Variants in NAV2 observed in about 807,000 individuals in gnomAD.
NAV2 encodes the protein helicase, APC down-regulated 1.
Under a neutral mutation model 223.2 loss-of-function variants are expected in NAV2, and 54 were observed. That is an observed-to-expected ratio of 0.24 (90% CI 0.19 to 0.30). NAV2 has a LOEUF of 0.30. Ranked by LOEUF, NAV2 falls within the 10% of genes least tolerant of loss-of-function variation. NAV2 has a pLI of 1.00. For missense variants in NAV2, 2,806 were observed against 3,147.5 expected, an observed-to-expected ratio of 0.89 and a Z score of 2.60; for synonymous variants, 1,279 against 1,239.3, an observed-to-expected ratio of 1.03 and a Z score of -0.67.
rs78430105 is a variant in NAV2 at position 19,948,706 on chromosome 11, G to A, written c.2271G>A (p.Thr757=). The change falls in exon 10 of 38, where the codon ACG becomes ACA. Residue 757 remains threonine, a synonymous_variant. Coordinates refer to ENST00000349880, the MANE Select transcript of NAV2 (RefSeq NM_145117.5). ...TQVTHSTLET[T]FDTNVTTEMS... ...TTGTTTCTAGCACATTGGAAACCAC[G>A]TTTGACACCAATGTCACCACGGAGA... is the stretch of plus-strand genomic sequence containing the variant. 177 of 1,584,758 alleles carry A rather than the reference G, an allele frequency of 1.1e-4. No homozygotes were observed. The African/African-American group carries it at 1.7e-3, about 16-fold the overall frequency.
At chr11:19,555,452 G>A (rs542581242) in intron 1 of NAV2, among the ~76,000 whole-genome samples, 1 of 152,066 alleles carries the variant, frequency 6.6e-6, no homozygotes, top group Admixed American at 6.6e-5. Context: ...GACCTGGGGG[G>A]GGCTCTGGGC....
intron 1 of NAV2, among the ~76,000 whole-genome samples, chr11:19,826,563 A>G (rs1332911023): frequency 6.6e-6 from 1 of 152,228 alleles, no homozygotes; most frequent in Non-Finnish European, 1.5e-5. Context: ...GATGGGGCTG[A>G]ATTTATGTCC....
intron 9 of NAV2, among the ~76,000 whole-genome samples, chr11:19,948,309 T>C (rs2625327): frequency 0.99 from 150,145 of 152,284 alleles, 74,053 homozygotes; most frequent in Middle Eastern, 1. Flanking sequence ...TGGTCTTGAT[T>C]TCTTGACTTC....
chr11:19,991,188 G>A (rs1591562815), intron 11 of NAV2, among the ~76,000 whole-genome samples: 1 of 152,120 alleles, frequency 6.6e-6, no homozygotes, highest in Admixed American at 6.6e-5. Flanking sequence ...GAGTGCAATG[G>A]CATGATCTTG....
chr11:19,777,006 G>A (rs1336293229), intron 1 of NAV2, among the ~76,000 whole-genome samples: 1 of 151,920 alleles, frequency 6.6e-6, no homozygotes, highest in South Asian at 2.1e-4. Flanking sequence ...CCCACCGGCG[G>A]CAGTGGCGAA....
At chr11:19,873,746 G>C (rs949595781) in intron 4 of NAV2, among the ~76,000 whole-genome samples, 6 of 152,130 alleles carry the variant, frequency 3.9e-5, no homozygotes, top group Admixed American at 3.9e-4. Flanking sequence ...GAGACCTTCA[G>C]TTTCTGTTTC....
intron 1 of NAV2, among the ~76,000 whole-genome samples, chr11:19,476,661 G>A (rs2042125782): frequency 6.6e-6 from 1 of 152,210 alleles, no homozygotes; most frequent in South Asian, 2.1e-4. Context: ...ATGTTAGACA[G>A]AACAAGTCAA....
In NAV2 at chr11:20,068,327, C is replaced by T. The variant is rs746641901; in HGVS notation, c.4912C>T (p.Arg1638Cys). ...TPEEKCQSEIRKLRRELDASQ... is the reference protein window; with the variant it reads ...TPEEKCQSEICKLRRELDASQ... ...CCCTCTCCCTTGTCATCTTTAGATT[C>T]GCAAGCTGCGGCGGGAACTGGATGC... The change falls in exon 22 of 38, where the codon CGC becomes TGC. Residue 1638 changes from arginine (R) to cysteine (C), a missense_variant. Arg to Cys is a radical substitution (Grantham distance 180). Around this residue, in one of 4 missense-constraint regions of NAV2, gnomAD observed 824 missense variants for 1,069.4 expected, o/e 0.77. Coordinates refer to ENST00000349880, the MANE Select transcript of NAV2 (RefSeq NM_145117.5). 12 of 1,614,074 alleles carry T rather than the reference C, an allele frequency of 7.4e-6. 1 individual carries two copies. Among genetic ancestry groups the T allele is most frequent in the South Asian group, 2.2e-5 (2 of 91,076 alleles).
chr11:20,083,248 G>A (rs537508270), intron 26 of NAV2, 69 bp downstream of exon 26: 1 of 1,346,124 alleles, frequency 7.4e-7, no homozygotes, highest in Admixed American at 1.9e-5. Flanking sequence ...GAATGGCTAG[G>A]AGTCCTGTTA....
chr11:19,657,893 A>T (rs1425234), intron 1 of NAV2, among the ~76,000 whole-genome samples: 131,024 of 151,916 alleles, frequency 0.86, 57,652 homozygotes, highest in Middle Eastern at 0.96. Flanking sequence ...AGGTATGGGG[A>T]GATAAAGACT....
chr11:19,980,977 A>G (rs74493981), intron 10 of NAV2, among the ~76,000 whole-genome samples: 4 of 152,158 alleles, frequency 2.6e-5, no homozygotes, highest in Non-Finnish European at 4.4e-5. Context: ...ACAGTTGAAC[A>G]TGTGTTTACA....
At chr11:19,754,357 T>A (rs945257276) in intron 1 of NAV2, among the ~76,000 whole-genome samples, 2 of 152,168 alleles carry the variant, frequency 1.3e-5, no homozygotes, top group African/African-American at 4.8e-5. Context: ...GGGAAGATCA[T>A]CCTTTCTGGC....
chr11:19,559,163 T>C (rs901348946), intron 1 of NAV2, among the ~76,000 whole-genome samples: 13 of 152,330 alleles, frequency 8.5e-5, no homozygotes, highest in Non-Finnish European at 1.3e-4. Flanking sequence ...CAGGTACTTA[T>C]AGTAGTGCCT....
intron 1 of NAV2, among the ~76,000 whole-genome samples, chr11:19,592,302 T>C (rs146492791): frequency 6.6e-6 from 1 of 152,272 alleles, no homozygotes; most frequent in East Asian, 1.9e-4. Context: ...TCTCTCTGCC[T>C]GGAATACCCT....
chr11:20,031,734 T>G (rs61877358), intron 11 of NAV2, among the ~76,000 whole-genome samples: 1 of 149,108 alleles, frequency 6.7e-6, no homozygotes, highest in Non-Finnish European at 1.5e-5. Flanking sequence ...CATTTTCGCT[T>G]TGTGTGTGTG....
At position 19,713,917 on chromosome 11, in the gene NAV2, C is replaced by A. The variant is rs770120764; in HGVS notation, c.222C>A (p.Leu74=). 1.2e-6 allele frequency: 2 copies of A among 1,613,408 alleles called. No homozygotes were observed. Among genetic ancestry groups the A allele is most frequent in the Non-Finnish European group, 1.7e-6 (2 of 1,179,974 alleles). Residue 74 remains leucine, a synonymous_variant, in exon 1 of 38, where the codon CTC becomes CTA. Coordinates refer to ENST00000349880, the MANE Select transcript of NAV2 (RefSeq NM_145117.5). This position sits in a 1 kb window ranked among gnomAD's most constrained non-coding sequence, Gnocchi z 7.2. ...QGLQEPAGEG[L]PLRKSGSVEN... is the part of the protein sequence containing the mutation. ...TGCAGGAGCCAGCGGGGGAGGGGCT[C>A]CCGCTGCGGAAGAGCGGCTCGGTGG...
At chr11:19,827,692 G>C (rs138120720) in intron 1 of NAV2, among the ~76,000 whole-genome samples, 4 of 152,028 alleles carry the variant, frequency 2.6e-5, no homozygotes, top group African/African-American at 7.2e-5. Flanking sequence ...TGAAGAGTTA[G>C]CCTTTATTAT....
intron 1 of NAV2, among the ~76,000 whole-genome samples, chr11:19,683,029 G>C (rs1372374795): frequency 6.6e-6 from 1 of 152,230 alleles, no homozygotes; most frequent in Admixed American, 6.5e-5. Flanking sequence ...ATTGTCAACT[G>C]TGCCACCCTG....
intron 1 of NAV2, among the ~76,000 whole-genome samples, chr11:19,465,381 A>C (rs899399965): frequency 2.1e-4 from 32 of 152,216 alleles, no homozygotes; most frequent in African/African-American, 7.5e-4. Flanking sequence ...CACAGATCTT[A>C]ACTTTTTCTT....
Sources: allele counts gnomAD v4.1 joint callset (sites outside exome capture counted in the v4.1 genomes callset), GRCh38; gene constraint gnomAD v4.1.1; regional missense constraint gnomAD v4.1.1; non-coding constraint Gnocchi (gnomAD v3.1); transcripts MANE v1.5; gene names NCBI Gene and HGNC (gene_info 2026-07-23, HGNC 2026-07-21).